DNAJC21: variants seen among roughly 807,000 people sequenced by gnomAD.
DNAJC21 encodes DnaJ heat shock protein family (Hsp40) member C21, also known as dnaJ homolog subfamily C member 21.
In DNAJC21, 63 loss-of-function variants were observed where a neutral mutation model predicts 72.4. That is an observed-to-expected ratio of 0.87 (90% CI 0.71 to 1.07). The LOEUF is 1.07. Among genes scored for constraint, DNAJC21 ranks in the 50% least tolerant of loss-of-function variants. The probability of loss-of-function intolerance (pLI) is 0.00; values close to 1 mark genes in which losing one functional copy is unlikely to be tolerated. For missense variants in DNAJC21, 634 were observed against 644.8 expected (o/e 0.98, Z 0.18); for synonymous variants, 203 against 216.7 (o/e 0.94, Z 0.56).
intron 10 of DNAJC21, among the ~76,000 whole-genome samples, chr5:34,952,946 C>T (rs1452871934): frequency 7.9e-5 from 12 of 151,930 alleles, no homozygotes; most frequent in African/African-American, 2.4e-4. Flanking sequence ...GTCAGGAGTT[C>T]GAGACCATCC....
chr5:34,942,642 C>T (rs949395016), intron 7 of DNAJC21, among the ~76,000 whole-genome samples: 7 of 152,160 alleles, frequency 4.6e-5, no homozygotes, highest in African/African-American at 1.7e-4. Flanking sequence ...CTGTTACTAA[C>T]GTTTTGCACA....
intron 7 of DNAJC21, among the ~76,000 whole-genome samples, chr5:34,942,696 G>A (rs541871711): frequency 6.6e-6 from 1 of 152,248 alleles, no homozygotes; most frequent in South Asian, 2.1e-4. Flanking sequence ...CACACACACA[G>A]TATTTTTCTG....
In DNAJC21 at chr5:34,955,499, T is replaced by A. The variant is rs1175571553; in HGVS notation, c.*785T>A. The A allele has an allele frequency of 6.6e-6, 1 of 152,084 alleles. No homozygotes were observed. The highest frequency in any genetic ancestry group is 6.6e-5 in the Admixed American group (1 of 15,262). The allele number at this position is 152,084 out of a possible 1,614,324, so 9.4% of individuals were successfully genotyped here. On this transcript the variant is annotated 3_prime_UTR_variant, in exon 12 of 12. Transcript: ENST00000648817. ...ATACTATTTAAGAAGAGATGTGGTG[T>A]TCTTCATTGAGTTTTTTTCTTCACT... is the stretch of plus-strand genomic sequence containing the variant.
chr5:34,931,033 T>G (rs142826994), intron 1 of DNAJC21, among the ~76,000 whole-genome samples: 85 of 152,202 alleles, frequency 5.6e-4, no homozygotes, highest in South Asian at 4.1e-3. Context: ...AACTCAACAG[T>G]ATGGAGGATA....
At chr5:34,933,789 G>T in intron 1 of DNAJC21, 26 bp from the exon 2 acceptor site, 2 of 1,597,030 alleles carry the variant, frequency 1.3e-6, no homozygotes, top group South Asian at 2.2e-5. Flanking sequence ...GTTTTTGATT[G>T]ACTTAAATTT....
intron 9 of DNAJC21, among the ~76,000 whole-genome samples, chr5:34,947,884 G>C (rs1251912366): frequency 6.6e-6 from 1 of 151,574 alleles, no homozygotes; most frequent in Non-Finnish European, 1.5e-5. Context: ...TGAGTGCTTG[G>C]CTAGTTATAG....
In DNAJC21 at chr5:34,940,010, T is replaced by C. The variant is rs1027248117; in HGVS notation, c.895+1001T>C. Among the ~76,000 whole-genome samples the C allele has an allele frequency of 8.5e-5, 13 of 152,342 alleles. No individual in the cohort carries two copies. In the East Asian group the frequency reaches 1.5e-3, roughly 18 times the overall value. The stretch of plus-strand genomic sequence containing the variant: ...TGAAAATTATAAATCACTCTATAAA[T>C]GTGAGGTGGCCTAATTTCCATCGAG... On this transcript the variant is annotated intron_variant, in intron 6 of 11. Coordinates refer to ENST00000648817, the MANE Select transcript of DNAJC21 (RefSeq NM_001012339.3).
intron 7 of DNAJC21, among the ~76,000 whole-genome samples, chr5:34,941,537 T>C (rs1300030305): frequency 1.3e-5 from 2 of 151,048 alleles, no homozygotes; most frequent in African/African-American, 4.9e-5. Context: ...GGAGTAAGTT[T>C]AGTATCTCTG....
At chr5:34,950,073 A>G (rs1230799141) in intron 9 of DNAJC21, 97 bp from the exon 10 acceptor site, 2 of 1,331,306 alleles carry the variant, frequency 1.5e-6, no homozygotes, top group Middle Eastern at 2.5e-4. Context: ...TCTCCTTTTT[A>G]TTTCCCGAAG....
intron 10 of DNAJC21, chr5:34,951,871 C>G: frequency 1.0e-6 from 1 of 985,440 alleles, no homozygotes; most frequent in Non-Finnish European, 1.2e-6. Flanking sequence ...AAGAAGGGTT[C>G]TCAGGCTTGG....
At chr5:34,952,122 A>AT in intron 10 of DNAJC21, 7 of 924,476 alleles carry the variant, frequency 7.6e-6, no homozygotes, top group Non-Finnish European at 8.9e-6. Context: ...TTTTTTAAAA[A>AT]ATGTGTGTGT....
chr5:34,939,831 C>G (rs368750439), intron 6 of DNAJC21, among the ~76,000 whole-genome samples: 11 of 152,114 alleles, frequency 7.2e-5, no homozygotes, highest in African/African-American at 2.7e-4. Context: ...TCCCCACTGT[C>G]TCTATAAAAT....
rs372732488 is a variant in DNAJC21, at chr5:34,937,494, G to T, written c.607G>T (p.Val203Phe). 7 of 1,614,158 alleles carry T rather than the reference G, an allele frequency of 4.3e-6. No individual in the cohort carries two copies. The highest frequency in any genetic ancestry group is 5.9e-6 in the Non-Finnish European group (7 of 1,179,988). ...DKARKEKNEL[V>F]RQLVAFIRKR... ...AGCAAGGAAAGAGAAGAATGAGCTT[G>T]TCCGTCAGCTGGTAGCTTTCATTCG... is the stretch of plus-strand genomic sequence containing the variant. Residue 203 changes from valine to phenylalanine, a missense_variant, in exon 5 of 12, where the codon GTC becomes TTC. Val to Phe is a conservative substitution (Grantham distance 50). Coordinates refer to ENST00000648817, the MANE Select transcript of DNAJC21 (RefSeq NM_001012339.3).
At chr5:34,946,148 A>C (rs1765169830) in intron 9 of DNAJC21, among the ~76,000 whole-genome samples, 3 of 152,262 alleles carry the variant, frequency 2.0e-5, no homozygotes, top group African/African-American at 7.2e-5. Flanking sequence ...GAAATAGGAA[A>C]ATCTGGGATT....
chr5:34,949,704 G>A (rs373749394), intron 9 of DNAJC21: 11 of 1,611,726 alleles, frequency 6.8e-6, no homozygotes, highest in Admixed American at 6.7e-5. Context: ...TTTGCCAGGC[G>A]TCTTTCTTTT....
intron 9 of DNAJC21, chr5:34,949,459 T>A: frequency 6.5e-7 from 1 of 1,533,192 alleles, no homozygotes. Context: ...AATTGGTAAA[T>A]TTGAATGTGG....
chr5:34,936,184 C>A lies in DNAJC21; in HGVS notation c.356C>A (p.Ala119Asp). Reference protein sequence around the residue: ...TVYRNVFEMIAKEELESVLEE... With the variant: ...TVYRNVFEMIDKEELESVLEE... ...TATCGTAATGTTTTTGAAATGATTG[C>A]CAAGGAAGAACTAGAATCTGTGTTA... The change falls in exon 4 of 12, where the codon GCC becomes GAC. Residue 119 changes from alanine (A) to aspartate (D), a missense_variant. Transcript: ENST00000648817. The A allele has an allele frequency of 6.2e-7, 1 of 1,613,822 alleles. No individual in the cohort carries two copies. The highest frequency in any genetic ancestry group is 8.5e-7 in the Non-Finnish European group (1 of 1,179,908).
intron 8 of DNAJC21, 24 bp downstream of exon 8, chr5:34,945,049 C>T (rs767895511): frequency 4.1e-5 from 65 of 1,603,972 alleles, no homozygotes; most frequent in Non-Finnish European, 4.2e-6. Flanking sequence ...TTAAATGTCA[C>T]TAGAAATACT....
At chr5:34,938,554 T>G (rs886283116) in intron 5 of DNAJC21, among the ~76,000 whole-genome samples, 15 of 152,246 alleles carry the variant, frequency 9.9e-5, no homozygotes, top group African/African-American at 3.6e-4. Flanking sequence ...CATCCCACCC[T>G]CATCTTTTGA....
Sources: gnomAD v4.1 joint callset for allele counts (sites outside exome capture counted in the v4.1 genomes callset) on GRCh38, gnomAD v4.1.1 for gene constraint, MANE v1.5 for transcripts, NCBI Gene and HGNC (gene_info 2026-07-23, HGNC 2026-07-21) for gene names.